CHD8: variants seen among roughly 807,000 people sequenced by gnomAD.
CHD8 encodes chromodomain helicase DNA binding protein 8, also known as ATP-dependent chromatin remodeler CHD8.
CHD8 carries 31 observed loss-of-function variants against 279.2 expected under a neutral mutation model. That is an observed-to-expected ratio of 0.11 (90% CI 0.08 to 0.15). The LOEUF (loss-of-function observed/expected upper bound fraction) is 0.15. Ranked by LOEUF, CHD8 falls within the 10% of genes least tolerant of loss-of-function variation. CHD8 has a pLI of 1.00. For missense variants in CHD8, 2,146 were observed against 3,230.5 expected (o/e 0.66, Z 8.14); for synonymous variants, 1,081 against 1,139.6 (o/e 0.95, Z 1.04).
chr14:21,452,813 G>A (rs1375923732), intron 1 of CHD8, among the ~76,000 whole-genome samples: 1 of 151,670 alleles, frequency 6.6e-6, no homozygotes, highest in Non-Finnish European at 1.5e-5. Flanking sequence ...GTGAAACCCT[G>A]TCTCTACTAA....
At chr14:21,407,678 G>A (rs999721703) in intron 13 of CHD8, among the ~76,000 whole-genome samples, 2 of 151,574 alleles carry the variant, frequency 1.3e-5, no homozygotes, top group East Asian at 1.9e-4. Context: ...TGACGATCTC[G>A]GCTCACTGCA....
chr14:21,426,237 A>C lies in CHD8; in HGVS notation c.1607T>G (p.Ile536Ser), dbSNP rs775682670. The change falls in exon 5 of 38, where the codon ATC (isoleucine) becomes AGC (serine). Residue 536 changes from isoleucine to serine, a missense_variant. Coordinates refer to ENST00000646647, the MANE Select transcript of CHD8 (RefSeq NM_001170629.2). The part of the protein sequence containing the change: ...KTKGKSKLNT[I>S]TPVVGKKRKR... ...TCTCTTCTTACCCACTACAGGAGTG[A>C]TGGTGCTAAAAAGGAAAAACCAAAT... 1 of 1,560,332 alleles carries C rather than the reference A, an allele frequency of 6.4e-7. No homozygotes were observed. Among genetic ancestry groups the C allele is most frequent in the Non-Finnish European group, 8.7e-7 (1 of 1,143,744 alleles).
At chr14:21,449,574 G>C (rs1890209744) in intron 1 of CHD8, among the ~76,000 whole-genome samples, 1 of 152,180 alleles carries the variant, frequency 6.6e-6, no homozygotes, top group African/African-American at 2.4e-5. Flanking sequence ...AAGGACTCCA[G>C]TACTACCGTG....
intron 9 of CHD8, 90 bp downstream of exon 9, chr14:21,414,211 C>A: frequency 1.4e-6 from 1 of 724,484 alleles, no homozygotes; most frequent in Admixed American, 2.3e-5. Context: ...AAACCAATTA[C>A]AAGTATTTTG....
At chr14:21,429,474 CCTAT>C in intron 2 of CHD8, 139 bp from the exon 3 acceptor site, 1 of 907,384 alleles carries the variant, frequency 1.1e-6, no homozygotes, top group Non-Finnish European at 1.8e-6. Context: ...TGTTCATCAT[CCTAT>C]CTGTCTTGAT....
Position 21,403,405 on chromosome 14 carries a change from G to T in CHD8, c.3518+48C>A, listed in dbSNP as rs1335474497. The T allele has an allele frequency of 1.4e-6, 2 of 1,478,288 alleles. No individual in the cohort carries two copies. The highest frequency in any genetic ancestry group is 1.9e-5 in the Admixed American group (1 of 52,844). 91.6% of individuals were successfully genotyped at this position (1,478,288 alleles called of 1,614,324 possible). The stretch of plus-strand genomic sequence containing the variant: ...AATCCAGGCCCTCCTACTTTTTGCT[G>T]CTTTATGAGGACAGAGTAACCACAG... On this transcript the variant is annotated intron_variant, in intron 17 of 37. Coordinates refer to ENST00000646647, the MANE Select transcript of CHD8 (RefSeq NM_001170629.2). The surrounding 1 kb of genome is among the most constrained non-coding windows in gnomAD (Gnocchi z 4.3).
Position 21,385,969 on chromosome 14 carries a change from T to G in CHD8, c.7390A>C (p.Ser2464Arg). Residue 2464 changes from serine (S) to arginine (R), a missense_variant, in exon 38 of 38, where the codon AGT (serine) becomes CGT (arginine). Coordinates refer to ENST00000646647, the MANE Select transcript of CHD8 (RefSeq NM_001170629.2). ...LQSVSSLGHS[S>R]ATSASLPFMP... ...AAAGGCAAAGATGCAGAAGTGGCAC[T>G]GCTGTGACCCAAAGATGACACAGAC... 1 of 1,568,234 alleles carries G rather than the reference T, an allele frequency of 6.4e-7. No homozygotes were observed. Among genetic ancestry groups the G allele is most frequent in the Non-Finnish European group, 8.7e-7 (1 of 1,155,640 alleles).
chr14:21,414,160 G>C, intron 9 of CHD8, 141 bp downstream of exon 9: 1 of 601,540 alleles, frequency 1.7e-6, no homozygotes, highest in Non-Finnish European at 3.0e-6. Flanking sequence ...TTAAGTAAGG[G>C]AAGTCAATGA....
rs1448310797 is a variant in CHD8 at position 21,429,328 on chromosome 14, G to A, written c.851C>T (p.Ser284Leu). 2 of 1,602,474 alleles carry A rather than the reference G, an allele frequency of 1.2e-6. No individual in the cohort carries two copies. The highest frequency in any genetic ancestry group is 1.7e-5 in the Admixed American group (1 of 59,506). ...CTGGAGGACCAGGGTGATGCGTTTCGATTCACCCTAAAGTGAAGAAAGGAA... is the reference window on the plus strand; with the variant it reads ...CTGGAGGACCAGGGTGATGCGTTTCAATTCACCCTAAAGTGAAGAAAGGAA... ...TLTSTPTQGE[S>L]KRITLVLQQP... is the part of the protein sequence containing the mutation. Residue 284 changes from serine (S) to leucine (L), a missense_variant, in exon 3 of 38, where the codon TCG becomes TTG. Coordinates refer to ENST00000646647, the MANE Select transcript of CHD8 (RefSeq NM_001170629.2).
intron 5 of CHD8, among the ~76,000 whole-genome samples, chr14:21,420,411 G>A (rs528354686): frequency 2.6e-5 from 4 of 152,236 alleles, no homozygotes; most frequent in Admixed American, 6.5e-5. Context: ...GGCCAAAGGC[G>A]GGCAGGACTA....
rs969215285 is a variant in CHD8, at chr14:21,401,880, C to A, written c.4062+77G>T. On this transcript the variant is annotated intron_variant, in intron 20 of 37. Transcript: ENST00000646647. ...GGAATATAGGCATGAGCCACCATCCCCAGCATAAAAACATAATTAAATCCT... is the reference window on the plus strand; with the variant it reads ...GGAATATAGGCATGAGCCACCATCCACAGCATAAAAACATAATTAAATCCT... 3.6e-6 allele frequency: 5 copies of A among 1,374,304 alleles called. No individual in the cohort carries two copies. In the African/African-American group the frequency reaches 7.3e-5, roughly 20 times the overall value. The allele number at this position is 1,374,304 out of a possible 1,614,324, so 85.1% of individuals were successfully genotyped here. A position where few individuals can be genotyped will look rare whatever the true frequency, so the allele number is the denominator to read the frequency against.
Position 21,400,456 on chromosome 14 carries a change from G to A in CHD8, c.4527C>T (p.Ser1509=). 1 of 1,606,888 alleles carries A rather than the reference G, an allele frequency of 6.2e-7. No homozygotes were observed. ...CTTTTGTCTTGCCATTTTCAGCTGG[G>A]CTAATCAAGTCCCAGATGAAGCCTT... ...NIKGFIWDLI[S]PAENGKTKEL... Residue 1509 remains serine, a synonymous_variant, in exon 23 of 38, where the codon AGC becomes AGT. Transcript: ENST00000646647. This position sits in a 1 kb window ranked among gnomAD's most constrained non-coding sequence, Gnocchi z 4.2.
chr14:21,454,477 C>A (rs968339376), intron 1 of CHD8, among the ~76,000 whole-genome samples: 2 of 152,088 alleles, frequency 1.3e-5, no homozygotes, highest in African/African-American at 4.8e-5. Flanking sequence ...GTCACCATGC[C>A]CGGCTAATTT....
chr14:21,398,024 G>T, intron 26 of CHD8, 72 bp from the exon 27 acceptor site: 1 of 1,379,064 alleles, frequency 7.3e-7, no homozygotes, highest in Non-Finnish European at 9.9e-7. Flanking sequence ...ATATGCTGCT[G>T]GAATAATTAG....
intron 1 of CHD8, among the ~76,000 whole-genome samples, chr14:21,453,238 A>G (rs898842060): frequency 6.6e-6 from 1 of 151,776 alleles, no homozygotes; most frequent in Admixed American, 6.6e-5. Flanking sequence ...TTCAATTTTC[A>G]CGAGGTCAGG....
chr14:21,415,398 G>A (rs1175056575), intron 7 of CHD8, 176 bp downstream of exon 7: 1 of 347,108 alleles, frequency 2.9e-6, no homozygotes, highest in Non-Finnish European at 4.9e-6. Flanking sequence ...TACTCAGGAG[G>A]CTGAGGCAGA....
rs8022395 is a variant in CHD8 at position 21,403,494 on chromosome 14, C to T, written c.3477G>A (p.Val1159=). Residue 1159 remains valine, a synonymous_variant, in exon 17 of 38, where the codon GTG becomes GTA. Transcript: ENST00000646647. This position sits in a 1 kb window ranked among gnomAD's most constrained non-coding sequence, Gnocchi z 4.3. The part of the protein sequence containing the change: ...GHKVLIFSQM[V]RCLDILEDYL... ...AATCCTCTAGGATGTCTAGGCAGCGCACCATCTGAGAGAAGATCAGAACTT... is the reference window on the plus strand; with the variant it reads ...AATCCTCTAGGATGTCTAGGCAGCGTACCATCTGAGAGAAGATCAGAACTT... 1,495,298 of 1,613,230 alleles carry T rather than the reference C, an allele frequency of 0.93. 694,082 individuals carry two copies. The highest frequency in any genetic ancestry group is 0.94 in the African/African-American group (70,873 of 75,014).
In CHD8 at chr14:21,417,882, A is replaced by ATATAAT. The variant is rs1433796563; in HGVS notation, c.1717-1976_1717-1975insATTATA. On this transcript the variant is annotated intron_variant, in intron 5 of 37. Coordinates refer to ENST00000646647, the MANE Select transcript of CHD8 (RefSeq NM_001170629.2). ...AAAAAAAAAATATATATATATATAT[A>ATATAAT]ATATATATATATATACACACACACA... Among the ~76,000 whole-genome samples the ATATAAT allele has an allele frequency of 9.5e-3, 1,323 of 138,650 alleles. 24 individuals are homozygous for ATATAAT. Among genetic ancestry groups the ATATAAT allele is most frequent in the African/African-American group, 0.034 (1,278 of 37,450 alleles). 91.0% of individuals were successfully genotyped at this position (138,650 alleles called of 152,430 possible). A position where few individuals can be genotyped will look rare whatever the true frequency, so the allele number is the denominator to read the frequency against.
chr14:21,439,177 A>G (rs530069919), intron 1 of CHD8, among the ~76,000 whole-genome samples: 1 of 152,318 alleles, frequency 6.6e-6, no homozygotes, highest in East Asian at 1.9e-4. Context: ...GTTTCCTCTG[A>G]AAGTATCCTC....
Sources: allele counts gnomAD v4.1 joint callset (sites outside exome capture counted in the v4.1 genomes callset), GRCh38; gene constraint gnomAD v4.1.1; non-coding constraint Gnocchi (gnomAD v3.1); transcripts MANE v1.5; gene names NCBI Gene and HGNC (gene_info 2026-07-23, HGNC 2026-07-21).